ARHGEF12: variants seen among roughly 807,000 people sequenced by gnomAD.
ARHGEF12 encodes the protein KMT2A/ARHGEF12 fusion protein.
ARHGEF12 carries 66 observed loss-of-function variants against 211.2 expected under a neutral mutation model. The ratio of observed to expected loss-of-function variants is 0.31; its 90% confidence interval spans 0.26 to 0.38. The LOEUF (loss-of-function observed/expected upper bound fraction) is 0.38, where lower values mean the gene tolerates loss of function less well. ARHGEF12 is among the 10% of genes least tolerant of loss of function. ARHGEF12 has a pLI of 1.00. For missense variants in ARHGEF12, 1,429 were observed against 1,869.5 expected (o/e 0.76, Z 4.34); for synonymous variants, 592 against 638.4 (o/e 0.93, Z 1.09).
chr11:120,468,350 C>G (rs1419550458), intron 29 of ARHGEF12, among the ~76,000 whole-genome samples: 1 of 152,174 alleles, frequency 6.6e-6, no homozygotes, highest in East Asian at 1.9e-4. Flanking sequence ...TGTAGTTAGA[C>G]TGTGGTTTGG....
At chr11:120,364,521 C>A (rs1230046735) in intron 1 of ARHGEF12, among the ~76,000 whole-genome samples, 2 of 152,064 alleles carry the variant, frequency 1.3e-5, no homozygotes, top group Non-Finnish European at 2.9e-5. Context: ...AAGAGATCAC[C>A]CACACCATTA....
chr11:120,347,832 A>G (rs1942815241), intron 1 of ARHGEF12, among the ~76,000 whole-genome samples: 1 of 152,188 alleles, frequency 6.6e-6, no homozygotes, highest in South Asian at 2.1e-4. Flanking sequence ...GTTAGGTAAT[A>G]AACAGTGGGA....
chr11:120,347,066 G>A (rs1181432043), intron 1 of ARHGEF12, among the ~76,000 whole-genome samples: 1 of 152,064 alleles, frequency 6.6e-6, no homozygotes, highest in Non-Finnish European at 1.5e-5. Context: ...TTCATTTTGA[G>A]TATTTCTGGA....
intron 13 of ARHGEF12, 57 bp from the exon 14 acceptor site, chr11:120,441,650 T>C (rs1945870924): frequency 2.1e-6 from 3 of 1,396,614 alleles, no homozygotes; most frequent in Admixed American, 3.5e-5. Flanking sequence ...TTGAGCCTAC[T>C]TTGCATTTAG....
Position 120,457,169 on chromosome 11 carries a change from C to G in ARHGEF12, c.2108C>G (p.Thr703Arg). 1.2e-6 allele frequency: 2 copies of G among 1,614,102 alleles called. No homozygotes were observed. The highest frequency in any genetic ancestry group is 1.7e-6 in the Non-Finnish European group (2 of 1,179,970). ...TSAPGDTLDG[T>R]PRTLNTVFDF... ...GCACCTGGAGACACCTTAGATGGCA[C>G]ACCTCGTACTCTCAATACTGTCTTT... Residue 703 changes from threonine (T) to arginine (R), a missense_variant, in exon 23 of 41, where the codon ACA (threonine) becomes AGA (arginine). Coordinates refer to ENST00000397843, the MANE Select transcript of ARHGEF12 (RefSeq NM_015313.3).
At chr11:120,369,619 A>T (rs1252942876) in intron 1 of ARHGEF12, among the ~76,000 whole-genome samples, 1 of 152,226 alleles carries the variant, frequency 6.6e-6, no homozygotes, top group Non-Finnish European at 1.5e-5. Flanking sequence ...AAAGTAGTTT[A>T]TTTTGGGGTA....
chr11:120,338,539 T>G (rs1942427591), intron 1 of ARHGEF12, among the ~76,000 whole-genome samples: 1 of 152,242 alleles, frequency 6.6e-6, no homozygotes, highest in African/African-American at 2.4e-5. Context: ...GGTTTTCATT[T>G]TCAATGAAAT....
chr11:120,478,500 G>A, intron 37 of ARHGEF12, 111 bp downstream of exon 37: 1 of 1,030,766 alleles, frequency 9.7e-7, no homozygotes, highest in Non-Finnish European at 1.4e-6. Context: ...GTTCTATTGT[G>A]GAGATTATAG....
rs1192555990 is a variant in ARHGEF12 at position 120,488,182 on chromosome 11, G to A, written c.*3105G>A. The A allele has an allele frequency of 3.7e-5, 8 of 215,812 alleles. No individual in the cohort carries two copies. Among genetic ancestry groups the A allele is most frequent in the African/African-American group, 1.8e-4 (8 of 44,238 alleles). The allele number at this position is 215,812 out of a possible 1,614,324, so 13.4% of individuals were successfully genotyped here. ...TGCTTCCTGTGAATTGTCTTTTACT[G>A]GCATCTTTGTTTTCCTCTTTGATGT... is the stretch of plus-strand genomic sequence containing the variant. On this transcript the variant is annotated 3_prime_UTR_variant, in exon 41 of 41. Transcript: ENST00000397843.
At chr11:120,431,951 C>A in intron 11 of ARHGEF12, 40 bp downstream of exon 11, 2 of 1,529,270 alleles carry the variant, frequency 1.3e-6, no homozygotes, top group Non-Finnish European at 1.8e-6. Flanking sequence ...CTTCTGTATT[C>A]TTCTTTACAG....
chr11:120,384,855 G>T (rs1205754903), intron 1 of ARHGEF12, among the ~76,000 whole-genome samples: 1 of 151,672 alleles, frequency 6.6e-6, no homozygotes, highest in Non-Finnish European at 1.5e-5. Context: ...TCTTTGAAGG[G>T]GTAATACTAG....
rs757815688 is a variant in ARHGEF12 at position 120,475,455 on chromosome 11, G to A, written c.3225G>A (p.Thr1075=). The A allele has an allele frequency of 2.0e-5, 33 of 1,613,960 alleles. No homozygotes were observed. Among genetic ancestry groups the A allele is most frequent in the Middle Eastern group, 1.6e-4 (1 of 6,084 alleles). Residue 1075 remains threonine (T), a synonymous_variant, in exon 33 of 41, where the codon ACG becomes ACA. Coordinates refer to ENST00000397843, the MANE Select transcript of ARHGEF12 (RefSeq NM_015313.3). ...ILASTADSKH[T]FSPVIKLSTV... ...CATCTACAGCTGATAGCAAACACAC[G>A]TTTAGCCCTGTCATTAAGTTGAGTA...
intron 1 of ARHGEF12, among the ~76,000 whole-genome samples, chr11:120,396,979 A>C (rs1183095852): frequency 6.6e-6 from 1 of 152,232 alleles, no homozygotes; most frequent in African/African-American, 2.4e-5. Context: ...CTACCTAAGA[A>C]ATGCATCTTC....
intron 1 of ARHGEF12, among the ~76,000 whole-genome samples, chr11:120,377,244 A>G (rs1431282852): frequency 6.6e-6 from 1 of 152,190 alleles, no homozygotes. Context: ...CCATCACCCC[A>G]AAAAATTGTC....
rs771438057 is a variant in ARHGEF12 at position 120,446,937 on chromosome 11, A to G, written c.1452-11A>G. On this transcript the variant is annotated splice_polypyrimidine_tract_variant and intron_variant, in intron 17 of 40. Coordinates refer to ENST00000397843, the MANE Select transcript of ARHGEF12 (RefSeq NM_015313.3). ...TTAGGCTACCTCAGGAAACTTCTCT[A>G]TTCCCTTCAGGCAGAAACGTAGTAT... 18 of 1,612,086 alleles carry G rather than the reference A, an allele frequency of 1.1e-5. No individual in the cohort carries two copies. The highest frequency in any genetic ancestry group is 2.2e-5 in the East Asian group (1 of 44,850).
intron 15 of ARHGEF12, among the ~76,000 whole-genome samples, chr11:120,442,441 CACACACACACACACATATATAT>C (rs1396348879): frequency 2.8e-5 from 4 of 144,488 alleles, no homozygotes; most frequent in Non-Finnish European, 4.6e-5. Context: ...CACACACACA[CACACACACACACACATATATAT>C]ACACACACAC....
intron 3 of ARHGEF12, chr11:120,408,863 C>G (rs962329924): frequency 2.0e-5 from 3 of 152,092 alleles, no homozygotes; most frequent in African/African-American, 7.2e-5. Context: ...ACTTACAGAT[C>G]TCCATGAAGA....
chr11:120,450,189 A>G (rs1467180181), intron 21 of ARHGEF12: 1 of 152,152 alleles, frequency 6.6e-6, no homozygotes, highest in Non-Finnish European at 1.5e-5. Flanking sequence ...TGAGCTACAT[A>G]GTGAGACCCT....
At chr11:120,433,416 A>G (rs1241241251) in intron 11 of ARHGEF12, among the ~76,000 whole-genome samples, 1 of 152,192 alleles carries the variant, frequency 6.6e-6, no homozygotes, top group African/African-American at 2.4e-5. Flanking sequence ...GCTTTTGGGA[A>G]TGCTTTTCGT....
Sources: gnomAD v4.1 joint callset for allele counts (sites outside exome capture counted in the v4.1 genomes callset) on GRCh38, gnomAD v4.1.1 for gene constraint, MANE v1.5 for transcripts, NCBI Gene and HGNC (gene_info 2026-07-23, HGNC 2026-07-21) for gene names.